LRP1B: variants seen among roughly 807,000 people sequenced by gnomAD.
LRP1B encodes the protein low-density lipoprotein receptor-related protein 1B.
LRP1B carries 217 observed loss-of-function variants against 556.6 expected under a neutral mutation model. The observed-to-expected ratio is 0.39, with a 90% CI of 0.35 to 0.44. The LOEUF is 0.44. LRP1B is among the 20% of genes least tolerant of loss of function. The pLI is 1.00. For synonymous variants in LRP1B, 2,047 were observed against 1,865.8 expected (o/e 1.10, Z -2.50); for missense variants, 5,053 against 5,620.8 (o/e 0.90, Z 3.23).
chr2:141,673,484 T>A (rs1448362225), intron 2 of LRP1B, among the ~76,000 whole-genome samples: 1 of 152,170 alleles, frequency 6.6e-6, no homozygotes, highest in Admixed American at 6.6e-5. Flanking sequence ...CTCTCAAATC[T>A]GTATCATTTT....
At chr2:141,972,548 C>T (rs1340108972) in intron 1 of LRP1B, among the ~76,000 whole-genome samples, 8 of 149,422 alleles carry the variant, frequency 5.4e-5, no homozygotes, top group Admixed American at 1.3e-4. Context: ...AATTAGGCAA[C>T]GATGACTAAC....
intron 60 of LRP1B, among the ~76,000 whole-genome samples, chr2:140,466,508 C>T (rs910647658): frequency 1.3e-5 from 2 of 152,026 alleles, no homozygotes; most frequent in Admixed American, 1.3e-4. Context: ...AAACAGTTAT[C>T]CTTTAAATGA....
chr2:140,604,646 A>C (rs1682801428), intron 41 of LRP1B, among the ~76,000 whole-genome samples: 1 of 152,130 alleles, frequency 6.6e-6, no homozygotes, highest in Non-Finnish European at 1.5e-5. Flanking sequence ...ACGTCCATTA[A>C]ACACTGGTAT....
chr2:142,079,845 A>G (rs948108588), intron 1 of LRP1B, among the ~76,000 whole-genome samples: 4 of 152,044 alleles, frequency 2.6e-5, no homozygotes, highest in African/African-American at 9.7e-5. Context: ...CAGATATCTT[A>G]TGTTTTAATT....
Position 141,411,323 on chromosome 2 carries a change from A to G in LRP1B, c.343+69073T>C, listed in dbSNP as rs58174602. ...ACTTCTGTTTAGACATGGGGAAAAG[A>G]TTGATGTCAGGTGTAAATACCTCCA... On this transcript the variant is annotated intron_variant, in intron 3 of 90. Transcript: ENST00000389484. Among the ~76,000 whole-genome samples, 1,238 of 152,236 alleles carry G rather than the reference A, an allele frequency of 8.1e-3. 18 individuals carry two copies. The highest frequency in any genetic ancestry group is 0.028 in the African/African-American group (1,164 of 41,578).
intron 7 of LRP1B, among the ~76,000 whole-genome samples, chr2:141,154,319 G>A (rs759432967): frequency 1.2e-4 from 18 of 151,770 alleles, no homozygotes; most frequent in Non-Finnish European, 2.2e-4. Context: ...AGACTGAAGT[G>A]GAACACACTT....
chr2:140,540,209 A>T (rs1680081669), intron 45 of LRP1B, among the ~76,000 whole-genome samples: 1 of 152,116 alleles, frequency 6.6e-6, no homozygotes, highest in Admixed American at 6.6e-5. Context: ...GTGAGGAGAG[A>T]CAAAAAATGT....
intron 60 of LRP1B, among the ~76,000 whole-genome samples, chr2:140,466,040 C>G (rs1415305760): frequency 2.7e-5 from 4 of 150,438 alleles, no homozygotes; most frequent in Non-Finnish European, 5.9e-5. Flanking sequence ...AATATCTTAC[C>G]AAGAAAGAAA....
chr2:140,950,595 C>T (rs1695685067), intron 19 of LRP1B, among the ~76,000 whole-genome samples, 193 bp from the exon 20 acceptor site: 1 of 152,048 alleles, frequency 6.6e-6, no homozygotes, highest in African/African-American at 2.4e-5. Flanking sequence ...AATGATACTC[C>T]CACTCCAGCC....
At chr2:142,033,733 A>G (rs1188643190) in intron 1 of LRP1B, among the ~76,000 whole-genome samples, 1 of 151,738 alleles carries the variant, frequency 6.6e-6, no homozygotes, top group Admixed American at 6.6e-5. Flanking sequence ...AAGATTTCCC[A>G]CTAATAAAGT....
intron 31 of LRP1B, among the ~76,000 whole-genome samples, chr2:140,833,661 A>C (rs1213217903): frequency 2.6e-5 from 4 of 152,144 alleles, no homozygotes; most frequent in Non-Finnish European, 2.9e-5. Flanking sequence ...GTTTCCAAGA[A>C]CATGTTGATG....
rs372117858 is a variant in LRP1B, at chr2:141,012,767, C to T, written c.2380+789G>A. Reference sequence around the variant, plus strand: ...CAAAAACTCTGTTGCTAGATAATTTCCAATCGATAGCATACGTGTTAGGAA... The same window carrying T: ...CAAAAACTCTGTTGCTAGATAATTTTCAATCGATAGCATACGTGTTAGGAA... On this transcript the variant is annotated intron_variant, in intron 14 of 90. Transcript: ENST00000389484. Among the ~76,000 whole-genome samples, 5 of 151,878 alleles carry T rather than the reference C, an allele frequency of 3.3e-5. No individual in the cohort carries two copies. In the East Asian group the frequency reaches 7.8e-4, roughly 24 times the overall value.
At chr2:141,310,964 T>C (rs574665897) in intron 3 of LRP1B, among the ~76,000 whole-genome samples, 1 of 152,340 alleles carries the variant, frequency 6.6e-6, no homozygotes, top group Non-Finnish European at 1.5e-5. Context: ...TGTGACATCA[T>C]TAAGAAGCAT....
chr2:141,788,548 A>G (rs1354640479), intron 2 of LRP1B, among the ~76,000 whole-genome samples: 1 of 151,940 alleles, frequency 6.6e-6, no homozygotes, highest in African/African-American at 2.4e-5. Flanking sequence ...TATTTTTATT[A>G]TACTTTAAGT....
intron 6 of LRP1B, among the ~76,000 whole-genome samples, chr2:141,215,545 G>T (rs11904032): frequency 0.2 from 30,852 of 151,998 alleles, 3,962 homozygotes; most frequent in African/African-American, 0.37. Flanking sequence ...TTAGGGACTG[G>T]GTATATGGTT....
intron 3 of LRP1B, among the ~76,000 whole-genome samples, chr2:141,264,060 A>G (rs1258298281): frequency 1.3e-5 from 2 of 152,204 alleles, no homozygotes; most frequent in Non-Finnish European, 2.9e-5. Flanking sequence ...CTTACCATTT[A>G]TATTCAGTAA....
chr2:141,831,369 T>C (rs1385074685), intron 1 of LRP1B, among the ~76,000 whole-genome samples: 1 of 151,706 alleles, frequency 6.6e-6, no homozygotes, highest in Non-Finnish European at 1.5e-5. Context: ...CATTTTCTTA[T>C]ACCAAATCTA....
chr2:141,270,476 T>C (rs1685047982), intron 3 of LRP1B, among the ~76,000 whole-genome samples: 1 of 152,058 alleles, frequency 6.6e-6, no homozygotes, highest in Non-Finnish European at 1.5e-5. Flanking sequence ...GAGATATTTG[T>C]ACAACCATGC....
chr2:142,097,834 T>A (rs1017339121), intron 1 of LRP1B, among the ~76,000 whole-genome samples: 2 of 151,676 alleles, frequency 1.3e-5, no homozygotes, highest in Non-Finnish European at 3.0e-5. Flanking sequence ...GCATTCAGAA[T>A]AAGTAAGACA....
Sources: gnomAD v4.1 joint callset for allele counts (sites outside exome capture counted in the v4.1 genomes callset) on GRCh38, gnomAD v4.1.1 for gene constraint, MANE v1.5 for transcripts, NCBI Gene and HGNC (gene_info 2026-07-23, HGNC 2026-07-21) for gene names.